Variants in RETREG1 observed in about 807,000 individuals in gnomAD.
RETREG1 encodes reticulophagy regulator 1.
Under a neutral mutation model 54.8 loss-of-function variants are expected in RETREG1, and 44 were observed. That is an observed-to-expected ratio of 0.80 (90% CI 0.63 to 1.03). The LOEUF (loss-of-function observed/expected upper bound fraction) is 1.03, where lower values mean the gene tolerates loss of function less well. Among genes scored for constraint, RETREG1 ranks in the 50% least tolerant of loss-of-function variants. The pLI is 0.00. For synonymous variants in RETREG1, 217 were observed against 238.5 expected, an observed-to-expected ratio of 0.91 and a Z score of 0.83; for missense variants, 554 against 605.1, an observed-to-expected ratio of 0.92 and a Z score of 0.89.
At chr5:16,609,540 A>C (rs1391111823) in intron 1 of RETREG1, among the ~76,000 whole-genome samples, 1 of 152,226 alleles carries the variant, frequency 6.6e-6, no homozygotes, top group African/African-American at 2.4e-5. Flanking sequence ...TGAGGCTAGA[A>C]GGACGCCATC....
chr5:16,531,988 C>A (rs1740930777), intron 3 of RETREG1, among the ~76,000 whole-genome samples: 1 of 152,142 alleles, frequency 6.6e-6, no homozygotes, highest in Non-Finnish European at 1.5e-5. Flanking sequence ...AAGGTGCAGA[C>A]ATTGCTGGAA....
chr5:16,590,623 C>T (rs1579713207), intron 1 of RETREG1, among the ~76,000 whole-genome samples: 4 of 152,284 alleles, frequency 2.6e-5, no homozygotes, highest in South Asian at 2.1e-4. Context: ...GGACTCGAGG[C>T]GGGCTGTCTC....
intron 3 of RETREG1, among the ~76,000 whole-genome samples, chr5:16,559,182 GAAGCCCACA>G (rs1741789974): frequency 1.3e-5 from 2 of 152,202 alleles, no homozygotes; most frequent in Admixed American, 1.3e-4. Flanking sequence ...CCATTTTCTG[GAAGCCCACA>G]AAACAAAAGA....
Position 16,593,561 on chromosome 5 carries a change from T to G in RETREG1, c.321-21459A>C, listed in dbSNP as rs774679090. Among the ~76,000 whole-genome samples the G allele has an allele frequency of 8.5e-4, 129 of 152,286 alleles. No homozygotes were observed. In the Middle Eastern group the frequency reaches 0.017, roughly 20 times the overall value. On this transcript the variant is annotated intron_variant, in intron 1 of 8. Transcript: ENST00000306320. The surrounding 1 kb of genome is among the most constrained non-coding windows in gnomAD (Gnocchi z 4.9). ...AGCACATTATCATAATAATGACAGCTTGCCAAATTGGGGGAAAAAAAAAAC... is the reference window on the plus strand; with the variant it reads ...AGCACATTATCATAATAATGACAGCGTGCCAAATTGGGGGAAAAAAAAAAC...
At chr5:16,505,482 C>G (rs1739915016) in intron 3 of RETREG1, among the ~76,000 whole-genome samples, 1 of 152,182 alleles carries the variant, frequency 6.6e-6, no homozygotes, top group South Asian at 2.1e-4. Flanking sequence ...CACCCTAGCT[C>G]CTGGCACCGC....
In RETREG1 at chr5:16,572,171, T is replaced by C. The variant is rs1293146263; in HGVS notation, c.321-69A>G. ...TTAACCTTTTCAAAATTGGGTTTAC[T>C]TCCTGCCACAGAAACAAAAAAGGTA... is the stretch of plus-strand genomic sequence containing the variant. On this transcript the variant is annotated intron_variant, in intron 1 of 8. Coordinates refer to ENST00000306320, the MANE Select transcript of RETREG1 (RefSeq NM_001034850.3). The C allele has an allele frequency of 2.7e-6, 3 of 1,092,506 alleles. No individual in the cohort carries two copies. In the African/African-American group the frequency reaches 4.7e-5, roughly 17 times the overall value. 67.7% of individuals were successfully genotyped at this position (1,092,506 alleles called of 1,614,324 possible).
intron 3 of RETREG1, among the ~76,000 whole-genome samples, chr5:16,541,065 C>A (rs1741228093): frequency 6.6e-6 from 1 of 152,178 alleles, no homozygotes; most frequent in South Asian, 2.1e-4. Flanking sequence ...TCAGAAGATA[C>A]AACAAATAAT....
chr5:16,549,221 G>C (rs938789903), intron 3 of RETREG1, among the ~76,000 whole-genome samples: 1 of 152,146 alleles, frequency 6.6e-6, no homozygotes, highest in Non-Finnish European at 1.5e-5. Flanking sequence ...TTTATTACAA[G>C]CTGTGTATTC....
Position 16,567,892 on chromosome 5 carries a change from C to T in RETREG1, c.428-2099G>A, listed in dbSNP as rs557236908. Among the ~76,000 whole-genome samples, 18 of 152,076 alleles carry T rather than the reference C, an allele frequency of 1.2e-4. 1 individual carries two copies. The highest frequency in any genetic ancestry group is 9.8e-4 in the Admixed American group (15 of 15,276). On this transcript the variant is annotated intron_variant, in intron 2 of 8. Transcript: ENST00000306320. ...AGGAGGATCACTTGACCCAGGAGCT[C>T]GAGGCTGCAGTGAGCTATGATCACA...
intron 3 of RETREG1, among the ~76,000 whole-genome samples, chr5:16,520,331 G>T (rs1171807236): frequency 1.4e-4 from 21 of 151,614 alleles, no homozygotes; most frequent in African/African-American, 5.1e-4. Context: ...TTTTTTTGTT[G>T]TTGTTGTTGT....
chr5:16,483,235 G>A, intron 4 of RETREG1, 111 bp downstream of exon 4: 1 of 1,250,926 alleles, frequency 8.0e-7, no homozygotes, highest in African/African-American at 1.5e-5. Context: ...TATGTTCTTA[G>A]TATATTATAT....
At chr5:16,608,594 A>T (rs1268472951) in intron 1 of RETREG1, among the ~76,000 whole-genome samples, 2 of 152,216 alleles carry the variant, frequency 1.3e-5, no homozygotes, top group East Asian at 3.9e-4. Flanking sequence ...TACTCTCTCA[A>T]TCGATTCACC....
At chr5:16,602,438 A>T (rs867928473) in intron 1 of RETREG1, among the ~76,000 whole-genome samples, 3 of 152,170 alleles carry the variant, frequency 2.0e-5, no homozygotes, top group African/African-American at 7.2e-5. Context: ...CTAAGAGGCG[A>T]GTTCCTGGGA....
chr5:16,572,455 C>A (rs1742202406), intron 1 of RETREG1, among the ~76,000 whole-genome samples: 1 of 152,122 alleles, frequency 6.6e-6, no homozygotes, highest in Non-Finnish European at 1.5e-5. Flanking sequence ...TCAAGCGATC[C>A]ACCCACCTCG....
chr5:16,558,989 C>A (rs1381642920), intron 3 of RETREG1, among the ~76,000 whole-genome samples: 3 of 152,170 alleles, frequency 2.0e-5, no homozygotes, highest in Non-Finnish European at 4.4e-5. Flanking sequence ...TAATGTTGTG[C>A]TCAAGGATTT....
intron 3 of RETREG1, among the ~76,000 whole-genome samples, chr5:16,530,509 G>A (rs1349790791): frequency 6.6e-6 from 1 of 152,216 alleles, no homozygotes; most frequent in Admixed American, 6.5e-5. Flanking sequence ...TGATGAGAAA[G>A]TAATCATATG....
intron 3 of RETREG1, among the ~76,000 whole-genome samples, chr5:16,529,716 T>C (rs1740852180): frequency 6.6e-6 from 1 of 152,032 alleles, no homozygotes; most frequent in African/African-American, 2.4e-5. Flanking sequence ...GCTGGTTTGG[T>C]TAATTTTTTT....
chr5:16,571,979 A>C lies in RETREG1; in HGVS notation c.427+17T>G. On this transcript the variant is annotated intron_variant, in intron 2 of 8. Transcript: ENST00000306320. ...AGAAAATTAAATACCATATAAATAA[A>C]ATCTGAGTATTCTTACCTCTTGTTC... is the stretch of plus-strand genomic sequence containing the variant. 6.4e-7 allele frequency: 1 copy of C among 1,559,448 alleles called. No individual in the cohort carries two copies. The highest frequency in any genetic ancestry group is 8.8e-7 in the Non-Finnish European group (1 of 1,130,418).
intron 3 of RETREG1, 136 bp from the exon 4 acceptor site, chr5:16,483,608 C>CTA (rs1275108193): frequency 4.8e-6 from 4 of 834,374 alleles, no homozygotes; most frequent in Non-Finnish European, 5.9e-6. Context: ...CAGAAGGGAA[C>CTA]TATCCAGACA....
Sources: allele counts gnomAD v4.1 joint callset (sites outside exome capture counted in the v4.1 genomes callset), GRCh38; gene constraint gnomAD v4.1.1; non-coding constraint Gnocchi (gnomAD v3.1); transcripts MANE v1.5; gene names NCBI Gene and HGNC (gene_info 2026-07-23, HGNC 2026-07-21).